The following NLRP9 variants were observed in gnomAD, a reference collection of about 807,000 sequenced individuals.
NLRP9 encodes the protein NACHT, LRR and PYD domains-containing protein 9.
Under a neutral mutation model 83.1 loss-of-function variants are expected in NLRP9, and 88 were observed. That is an observed-to-expected ratio of 1.06 (90% CI 0.89 to 1.26). The LOEUF (loss-of-function observed/expected upper bound fraction) is 1.26. Ranked by LOEUF, NLRP9 falls within the 50% of genes most tolerant of loss-of-function variation. NLRP9 has a pLI of 0.00. For missense variants in NLRP9, 1,308 were observed against 1,179.3 expected (o/e 1.11, Z -1.60); for synonymous variants, 521 against 447.6 (o/e 1.16, Z -2.07).
At chr19:55,726,461 T>C (rs1005822330) in intron 3 of NLRP9, among the ~76,000 whole-genome samples, 14 of 152,084 alleles carry the variant, frequency 9.2e-5, no homozygotes, top group African/African-American at 3.4e-4. Flanking sequence ...CAACTTTGAG[T>C]CCAATGCCTC....
Position 55,733,255 on chromosome 19 carries a change from A to G in NLRP9, c.576T>C (p.Gly192=). Residue 192 remains glycine (G), a synonymous_variant, in exon 2 of 9, where the codon GGT becomes GGC. Transcript: ENST00000332836. ...VFFLNVCEMN[G]IAETSLLELL... ...GCTCCAGTAAGCTGGTCTCTGCGATACCGTTCATTTCACAGACATTGAGGA... is the reference window on the plus strand; with the variant it reads ...GCTCCAGTAAGCTGGTCTCTGCGATGCCGTTCATTTCACAGACATTGAGGA... 1.2e-6 allele frequency: 2 copies of G among 1,614,028 alleles called. No individual in the cohort carries two copies. Among genetic ancestry groups the G allele is most frequent in the Non-Finnish European group, 1.7e-6 (2 of 1,179,920 alleles).
chr19:55,731,223 G>A (rs1406464680), intron 2 of NLRP9, among the ~76,000 whole-genome samples: 2 of 152,036 alleles, frequency 1.3e-5, no homozygotes, highest in African/African-American at 2.4e-5. Flanking sequence ...AATCAGCAGA[G>A]GGAAAAGGCA....
At chr19:55,709,616 T>C (rs1428864458) in intron 8 of NLRP9, 1 of 152,248 alleles carries the variant, frequency 6.6e-6, no homozygotes, top group Non-Finnish European at 1.5e-5. Context: ...ACAAAGCTGG[T>C]TTTTGTAGTC....
In NLRP9 at chr19:55,708,608, T is replaced by G. The variant is rs1987543864; in HGVS notation, c.*304A>C. ...ATGCATGCTCCTACACACCAAGACA[T>G]CCATTAAGAAAATAAAGCCATGCTT... On this transcript the variant is annotated 3_prime_UTR_variant, in exon 9 of 9. Coordinates refer to ENST00000332836, the MANE Select transcript of NLRP9 (RefSeq NM_176820.4). The G allele has an allele frequency of 9.5e-6, 2 of 211,170 alleles. No individual in the cohort carries two copies. The highest frequency in any genetic ancestry group is 1.9e-5 in the Non-Finnish European group (2 of 107,118). 13.1% of individuals were successfully genotyped at this position (211,170 alleles called of 1,614,324 possible).
In NLRP9 at chr19:55,715,222, C is replaced by G; in HGVS notation, c.2334G>C (p.Leu778Phe). The change falls in exon 6 of 9, where the codon TTG becomes TTC. Residue 778 changes from leucine (L) to phenylalanine (F), a missense_variant. Transcript: ENST00000332836. ...HSHCALERLM[L>F]MYCCLTSVSC... ...AGACAGAGGTGAGACAGCAGTACAT[C>G]AACCTGCAAAGAAACACACCGTCTC... The G allele has an allele frequency of 6.2e-7, 1 of 1,612,668 alleles. No individual in the cohort carries two copies. Among genetic ancestry groups the G allele is most frequent in the East Asian group, 2.2e-5 (1 of 44,862 alleles).
At chr19:55,712,201 C>T (rs564328079) in intron 7 of NLRP9, among the ~76,000 whole-genome samples, 1 of 152,228 alleles carries the variant, frequency 6.6e-6, no homozygotes, top group Non-Finnish European at 1.5e-5. Context: ...TGCTAAAGAC[C>T]CTATCATGCA....
chr19:55,732,322 G>A lies in NLRP9; in HGVS notation c.1509C>T (p.Ile503=), dbSNP rs143748392. 6.2e-6 allele frequency: 10 copies of A among 1,614,142 alleles called. No individual in the cohort carries two copies. Among genetic ancestry groups the A allele is most frequent in the South Asian group, 2.2e-5 (2 of 91,080 alleles). Reference sequence around the variant, plus strand: ...CAAAGGAGGTCTCCAGCATGCTGACGATTTCTTCTGTTGAAATTCCAAACA... The same window carrying A: ...CAAAGGAGGTCTCCAGCATGCTGACAATTTCTTCTGTTGAAATTCCAAACA... ...IFMFGISTEE[I]VSMLETSFGF... The change falls in exon 2 of 9, where the codon ATC becomes ATT. Residue 503 remains isoleucine (I), a synonymous_variant. Transcript: ENST00000332836.
Position 55,738,100 on chromosome 19 carries a change from A to T in NLRP9, c.275T>A (p.Met92Lys). ...KDLWTKAQEE[M>K]RNKLNPYRKH... ...CCCCATCATCCAGCACTTACTTCTC[A>T]TCTCTTCCTGAGCCTTTGTCCAGAG... The change falls in exon 1 of 9, where the codon ATG becomes AAG. Residue 92 changes from methionine (M) to lysine (K), a missense_variant. Physicochemically the swap from Met to Lys is moderately conservative, Grantham distance 95. Transcript: ENST00000332836. 6.2e-7 allele frequency: 1 copy of T among 1,613,900 alleles called. No homozygotes were observed. The highest frequency in any genetic ancestry group is 8.5e-7 in the Non-Finnish European group (1 of 1,179,886).
At chr19:55,713,632 CT>C (rs1320628497) in intron 6 of NLRP9, among the ~76,000 whole-genome samples, 2 of 122,154 alleles carry the variant, frequency 1.6e-5, no homozygotes, top group East Asian at 2.5e-4. Context: ...TACTCCCCTC[CT>C]CCTCCTCTCC....
chr19:55,729,209 A>G (rs1325478668), intron 3 of NLRP9, among the ~76,000 whole-genome samples: 3 of 149,794 alleles, frequency 2.0e-5, no homozygotes, highest in Non-Finnish European at 4.4e-5. Context: ...CCCTCCAACT[A>G]GATTTCATTT....
At position 55,723,037 on chromosome 19, in the gene NLRP9, C is replaced by A. The variant is rs547207108; in HGVS notation, c.2159+943G>T. ...GGGAGGGAAAGCATTAGGAGATATACCTAATGTAAATGACGAGTTGATGGG... is the reference window on the plus strand; with the variant it reads ...GGGAGGGAAAGCATTAGGAGATATAACTAATGTAAATGACGAGTTGATGGG... On this transcript the variant is annotated intron_variant, in intron 4 of 8. Coordinates refer to ENST00000332836, the MANE Select transcript of NLRP9 (RefSeq NM_176820.4). Among the ~76,000 whole-genome samples, 3 of 152,010 alleles carry A rather than the reference C, an allele frequency of 2.0e-5. No homozygotes were observed. In the East Asian group the frequency reaches 5.8e-4, roughly 29 times the overall value.
rs765779528 is a variant in NLRP9 at position 55,733,919 on chromosome 19, A to ATTTTTTTTTTTTTTTTTTTTTTTTTT, written c.281-370_281-369insAAAAAAAAAAAAAAAAAAAAAAAAAA. On this transcript the variant is annotated intron_variant, in intron 1 of 8. Transcript: ENST00000332836. ...ATAAACTCAACCAGTTGTCAACCAA[A>ATTTTTTTTTTTTTTTTTTTTTTTTTT]TTTTTTTTTTTTTTTTTTTTTGAGA... 9.3e-5 allele frequency among the ~76,000 whole-genome samples: 11 copies of ATTTTTTTTTTTTTTTTTTTTTTTTTT among 117,868 alleles called. 2 individuals are homozygous for ATTTTTTTTTTTTTTTTTTTTTTTTTT. The highest frequency in any genetic ancestry group is 3.6e-4 in the African/African-American group (10 of 27,912). The allele number at this position is 117,868 out of a possible 152,430, so 77.3% of individuals were successfully genotyped here. A position where few individuals can be genotyped will look rare whatever the true frequency, so the allele number is the denominator to read the frequency against.
In NLRP9 at chr19:55,714,228, T is replaced by C. The variant is rs1292396753; in HGVS notation, c.2501+827A>G. Among the ~76,000 whole-genome samples the C allele has an allele frequency of 2.0e-5, 3 of 152,060 alleles. No individual in the cohort carries two copies. In the East Asian group the frequency reaches 5.8e-4, roughly 29 times the overall value. On this transcript the variant is annotated intron_variant, in intron 6 of 8. Transcript: ENST00000332836. The stretch of plus-strand genomic sequence containing the variant: ...GAGTGTATGACAAGCCAGGCATTGA[T>C]CATAGTCCTTCATGTGTGTGATTCC...
chr19:55,732,197 AG>A lies in NLRP9; in HGVS notation c.1633del (p.Leu545TyrfsTer14). 6.2e-7 allele frequency: 1 copy of A among 1,613,450 alleles called. No homozygotes were observed. The highest frequency in any genetic ancestry group is 8.5e-7 in the Non-Finnish European group (1 of 1,179,730). ...ADREAIAFQELFIGLFETQEK... is the reference protein window; with the variant it reads ...ADREAIAFQEXFIGLFETQEK... ...CTGAGTTTCAAACAAACCAATGAATAGTTCCTGGAAAGCTATGGCTTCCCTA... is the reference window on the plus strand; with the variant it reads ...CTGAGTTTCAAACAAACCAATGAATATTCCTGGAAAGCTATGGCTTCCCTA... On this transcript the variant is annotated frameshift_variant, in exon 2 of 9. Coordinates refer to ENST00000332836, the MANE Select transcript of NLRP9 (RefSeq NM_176820.4). LOFTEE classifies it high-confidence loss of function.
At chr19:55,714,488 C>T (rs985301819) in intron 6 of NLRP9, among the ~76,000 whole-genome samples, 1 of 152,158 alleles carries the variant, frequency 6.6e-6, no homozygotes, top group African/African-American at 2.4e-5. Flanking sequence ...CTTTCTAGGG[C>T]TGGAGACCCA....
intron 3 of NLRP9, 120 bp downstream of exon 3, chr19:55,729,711 T>C: frequency 2.6e-6 from 2 of 769,190 alleles, no homozygotes; most frequent in Non-Finnish European, 4.2e-6. Context: ...TACATGTCAC[T>C]ACATTTAACA....
chr19:55,733,377 C>T lies in NLRP9; in HGVS notation c.454G>A (p.Gly152Ser), dbSNP rs2034004178. The T allele has an allele frequency of 1.2e-6, 2 of 1,614,162 alleles. No individual in the cohort carries two copies. Among genetic ancestry groups the T allele is most frequent in the Middle Eastern group, 1.6e-4 (1 of 6,062 alleles). ...AARRHTVVLE[G>S]PDGIGKTTLL... ...GTTGTTTTTCCAATTCCATCAGGACCTTCCAGGACCACAGTGTGTCGTCTA... is the reference window on the plus strand; with the variant it reads ...GTTGTTTTTCCAATTCCATCAGGACTTTCCAGGACCACAGTGTGTCGTCTA... The change falls in exon 2 of 9, where the codon GGT (glycine) becomes AGT (serine). Residue 152 changes from glycine to serine, a missense_variant. Physicochemically the swap from Gly to Ser is moderately conservative, Grantham distance 56. Coordinates refer to ENST00000332836, the MANE Select transcript of NLRP9 (RefSeq NM_176820.4).
chr19:55,723,036 A>G (rs897806349), intron 4 of NLRP9, among the ~76,000 whole-genome samples: 3 of 152,080 alleles, frequency 2.0e-5, no homozygotes, highest in Non-Finnish European at 2.9e-5. Context: ...TAGGAGATAT[A>G]CCTAATGTAA....
intron 8 of NLRP9, among the ~76,000 whole-genome samples, chr19:55,710,326 T>A (rs1322883869): frequency 6.6e-6 from 1 of 152,090 alleles, no homozygotes; most frequent in Non-Finnish European, 1.5e-5. Context: ...GCTATACAGC[T>A]CCCCGGGACT....
Sources: gnomAD v4.1 joint callset for allele counts (sites outside exome capture counted in the v4.1 genomes callset) on GRCh38, gnomAD v4.1.1 for gene constraint, MANE v1.5 for transcripts, NCBI Gene and HGNC (gene_info 2026-07-23, HGNC 2026-07-21) for gene names.